Variants in DOCK7 observed in about 807,000 individuals in gnomAD.
The protein encoded by DOCK7 is dedicator of cytokinesis 7.
In DOCK7, 138 loss-of-function variants were observed where a neutral mutation model predicts 271.0. The ratio of observed to expected loss-of-function variants is 0.51; its 90% CI spans 0.44 to 0.59. The LOEUF is 0.59. Ranked by LOEUF, DOCK7 falls within the 20% of genes least tolerant of loss-of-function variation. The probability of loss-of-function intolerance (pLI) is 0.00; values close to 1 mark genes in which losing one functional copy is unlikely to be tolerated. For synonymous variants in DOCK7, 823 were observed against 876.1 expected, an observed-to-expected ratio of 0.94 and a Z score of 1.07; for missense variants, 2,066 against 2,592.4, an observed-to-expected ratio of 0.80 and a Z score of 4.41.
intron 29 of DOCK7, among the ~76,000 whole-genome samples, chr1:62,533,442 T>TA (rs899164436): frequency 4.4e-4 from 67 of 151,898 alleles, no homozygotes; most frequent in Non-Finnish European, 8.1e-4. Flanking sequence ...TTTATTTATT[T>TA]TTTTTAATGA....
intron 36 of DOCK7, among the ~76,000 whole-genome samples, chr1:62,504,983 AGT>A (rs1646898843): frequency 6.6e-6 from 1 of 152,214 alleles, no homozygotes. Flanking sequence ...ACTAACTAGT[AGT>A]GGGACCTTGG....
intron 48 of DOCK7, among the ~76,000 whole-genome samples, chr1:62,462,209 C>T (rs1040845575): frequency 5.9e-5 from 9 of 151,996 alleles, no homozygotes; most frequent in African/African-American, 2.2e-4. Flanking sequence ...GAAAAATATA[C>T]CATATTCATG....
At chr1:62,652,069 A>G (rs559806317) in intron 4 of DOCK7, among the ~76,000 whole-genome samples, 1 of 152,242 alleles carries the variant, frequency 6.6e-6, no homozygotes, top group South Asian at 2.1e-4. Context: ...CTCCACAATT[A>G]CTGATCCTAA....
At chr1:62,502,652 T>C (rs1428769886) in intron 37 of DOCK7, among the ~76,000 whole-genome samples, 1 of 152,104 alleles carries the variant, frequency 6.6e-6, no homozygotes, top group Non-Finnish European at 1.5e-5. Flanking sequence ...TACATAACTA[T>C]AAAGGCAACC....
At position 62,538,013 on chromosome 1, in the gene DOCK7, A is replaced by G. The variant is rs774037571; in HGVS notation, c.3349T>C (p.Leu1117=). 1 of 1,614,090 alleles carries G rather than the reference A, an allele frequency of 6.2e-7. No individual in the cohort carries two copies. Among genetic ancestry groups the G allele is most frequent in the Non-Finnish European group, 8.5e-7 (1 of 1,179,966 alleles). ...ATGATTCGTAGAAAATCCAGCCTCA[A>G]GGACACCAGAACACTGGGATTCGGT... ...SLPNPSVLVS[L]RLDFLRIICS... Residue 1117 remains leucine (L), a synonymous_variant, in exon 28 of 50, where the codon TTG becomes CTG. Transcript: ENST00000635253.
chr1:62,516,625 A>T (rs897133981), intron 31 of DOCK7, among the ~76,000 whole-genome samples: 2 of 152,188 alleles, frequency 1.3e-5, no homozygotes, highest in African/African-American at 4.8e-5. Flanking sequence ...CCTTCATATT[A>T]TAACAACCAG....
intron 31 of DOCK7, among the ~76,000 whole-genome samples, chr1:62,524,124 G>A (rs1449696843): frequency 1.3e-5 from 2 of 152,138 alleles, no homozygotes; most frequent in African/African-American, 4.8e-5. Flanking sequence ...TTATGGAAAA[G>A]TGCACACCGC....
intron 7 of DOCK7, among the ~76,000 whole-genome samples, chr1:62,638,575 T>A (rs954464504): frequency 2.0e-5 from 3 of 149,028 alleles, no homozygotes; most frequent in Non-Finnish European, 4.5e-5. Flanking sequence ...GAATATATAT[T>A]TTCATGAATA....
chr1:62,548,485 A>G (rs1645786152), intron 22 of DOCK7, among the ~76,000 whole-genome samples: 2 of 149,264 alleles, frequency 1.3e-5, no homozygotes, highest in African/African-American at 4.9e-5. Context: ...CAATGGCGCG[A>G]TCTTGGCTCA....
chr1:62,550,378 G>A (rs1347948994), intron 22 of DOCK7, among the ~76,000 whole-genome samples: 1 of 152,152 alleles, frequency 6.6e-6, no homozygotes, highest in Non-Finnish European at 1.5e-5. Flanking sequence ...GTTTATCAAA[G>A]TCTTCTTCTG....
intron 2 of DOCK7, 69 bp from the exon 3 acceptor site, chr1:62,654,228 G>T: frequency 7.1e-7 from 1 of 1,399,214 alleles, no homozygotes. Flanking sequence ...TAAAACTTAA[G>T]GCAAATAACA....
chr1:62,524,953 A>ATATATATATATATG (rs1325570197), intron 31 of DOCK7, among the ~76,000 whole-genome samples: 2 of 119,420 alleles, frequency 1.7e-5, no homozygotes, highest in Admixed American at 1.8e-4. Flanking sequence ...ATATATATAT[A>ATATATATATATATG]TATTACTATA....
At chr1:62,472,191 C>T (rs1645850447) in intron 48 of DOCK7, among the ~76,000 whole-genome samples, 1 of 151,994 alleles carries the variant, frequency 6.6e-6, no homozygotes, top group African/African-American at 2.4e-5. Context: ...GTAACCTCCA[C>T]CTCCTGGGTT....
At chr1:62,620,932 T>G (rs1017834348) in intron 12 of DOCK7, among the ~76,000 whole-genome samples, 4 of 133,950 alleles carry the variant, frequency 3.0e-5, no homozygotes, top group African/African-American at 1.1e-4. Context: ...AAGTTAGAGA[T>G]AGATGAAAAA....
intron 48 of DOCK7, among the ~76,000 whole-genome samples, chr1:62,462,547 A>G (rs1157948150): frequency 2.0e-5 from 3 of 152,232 alleles, no homozygotes; most frequent in Non-Finnish European, 4.4e-5. Flanking sequence ...AAAGAAATTT[A>G]TAATAGTGAT....
At chr1:62,622,503 G>C (rs1413063340) in intron 12 of DOCK7, among the ~76,000 whole-genome samples, 4 of 151,880 alleles carry the variant, frequency 2.6e-5, no homozygotes, top group Admixed American at 2.6e-4. Flanking sequence ...ACCCAGGCTG[G>C]AATACAGTGG....
chr1:62,554,021 C>T (rs531864998), intron 21 of DOCK7, among the ~76,000 whole-genome samples: 21 of 152,186 alleles, frequency 1.4e-4, no homozygotes, highest in African/African-American at 4.1e-4. Flanking sequence ...TTAAATTAAA[C>T]CGTGTTTTAT....
At chr1:62,555,712 TA>T in intron 21 of DOCK7, 112 bp downstream of exon 21, 1 of 1,210,528 alleles carries the variant, frequency 8.3e-7, no homozygotes, top group Non-Finnish European at 1.1e-6. Flanking sequence ...AGGTGTTCAA[TA>T]AATGTTTGCC....
chr1:62,678,933 T>C (rs1321341463), intron 1 of DOCK7, among the ~76,000 whole-genome samples: 2 of 152,166 alleles, frequency 1.3e-5, no homozygotes, highest in Admixed American at 6.5e-5. Flanking sequence ...CTTGACATGA[T>C]AGATACCCCA....
Sources: gnomAD v4.1 joint callset for allele counts (sites outside exome capture counted in the v4.1 genomes callset) on GRCh38, gnomAD v4.1.1 for gene constraint, MANE v1.5 for transcripts, NCBI Gene and HGNC (gene_info 2026-07-23, HGNC 2026-07-21) for gene names.